The following TCF4 variants were observed in gnomAD, a reference collection of about 807,000 sequenced individuals.
TCF4 encodes the protein SL3-3 enhancer factor 2.
In TCF4, 3 loss-of-function variants were observed where a neutral mutation model predicts 82.1. The ratio of observed to expected loss-of-function variants is 0.04; its 90% CI spans 0.02 to 0.09. TCF4 has a LOEUF of 0.09. Ranked by LOEUF, TCF4 falls within the 10% of genes least tolerant of loss-of-function variation. The pLI is 1.00. For missense variants in TCF4, 518 were observed against 852.7 expected (o/e 0.61, Z 4.89); for synonymous variants, 276 against 309.6 (o/e 0.89, Z 1.14).
intron 6 of TCF4, among the ~76,000 whole-genome samples, chr18:55,387,891 A>G (rs2092730160): frequency 6.6e-6 from 1 of 152,184 alleles, no homozygotes; most frequent in Admixed American, 6.5e-5. Flanking sequence ...AAGACATCAA[A>G]GGAAAACTTC....
At chr18:55,235,807 GTTTATT>G (rs2049187429) in intron 15 of TCF4, among the ~76,000 whole-genome samples, 1 of 131,938 alleles carries the variant, frequency 7.6e-6, no homozygotes. Context: ...TATGAATCAG[GTTTATT>G]TTTTTTTCCA....
At chr18:55,324,648 C>T (rs1026574303) in intron 8 of TCF4, among the ~76,000 whole-genome samples, 3 of 152,120 alleles carry the variant, frequency 2.0e-5, no homozygotes, top group African/African-American at 7.2e-5. Flanking sequence ...ACCTTGCCAG[C>T]AGTAGGTAAC....
In TCF4 at chr18:55,225,813, T is replaced by C. The variant is rs1304736968; in HGVS notation, c.*2222A>G. On this transcript the variant is annotated 3_prime_UTR_variant, in exon 20 of 20. Transcript: ENST00000354452. The stretch of plus-strand genomic sequence containing the variant: ...TCCACCTCCACATTTTAGGAACTTA[T>C]CAACAAATCAAAGTTATTTTAGTTT... 6.6e-6 allele frequency: 1 copy of C among 152,610 alleles called. No homozygotes were observed. The highest frequency in any genetic ancestry group is 2.4e-5 in the African/African-American group (1 of 41,460). 9.5% of individuals were successfully genotyped at this position (152,610 alleles called of 1,614,324 possible). A position where few individuals can be genotyped will look rare whatever the true frequency, so the allele number is the denominator to read the frequency against.
Position 55,585,290 on chromosome 18 carries a change from A to G in TCF4, c.135T>C (p.Phe45=). ...NGPTSLASGH[F]TGSNVEDRSS... Reference sequence around the variant, plus strand: ...AAAGAATTTACATACTTGAGCCAGTAAAATGTCCACTTGCCAAAGAAGTTG... The same window carrying G: ...AAAGAATTTACATACTTGAGCCAGTGAAATGTCCACTTGCCAAAGAAGTTG... Residue 45 remains phenylalanine, a synonymous_variant, in exon 3 of 20, where the codon TTT becomes TTC. Coordinates refer to ENST00000354452, the MANE Select transcript of TCF4 (RefSeq NM_001083962.2). 6.2e-7 allele frequency: 1 copy of G among 1,613,934 alleles called. No homozygotes were observed. Among genetic ancestry groups the G allele is most frequent in the Non-Finnish European group, 8.5e-7 (1 of 1,179,822 alleles).
chr18:55,452,996 A>G (rs1050107054), intron 5 of TCF4, among the ~76,000 whole-genome samples: 15 of 152,184 alleles, frequency 9.9e-5, no homozygotes, highest in African/African-American at 3.6e-4. Context: ...TAAATAGAAA[A>G]TTATATATTT....
intron 8 of TCF4, among the ~76,000 whole-genome samples, chr18:55,336,970 A>C (rs1303867906): frequency 6.6e-6 from 1 of 152,206 alleles, no homozygotes; most frequent in Non-Finnish European, 1.5e-5. Flanking sequence ...AATGCAAAGA[A>C]GCCCTTATGG....
chr18:55,463,994 G>A, intron 4 of TCF4, 82 bp downstream of exon 4: 1 of 1,277,078 alleles, frequency 7.8e-7, no homozygotes, highest in Admixed American at 1.7e-5. Flanking sequence ...GAGAGAGAGA[G>A]AGAGAGAGAA....
intron 3 of TCF4, among the ~76,000 whole-genome samples, chr18:55,569,765 A>C (rs894722568): frequency 2.0e-5 from 3 of 152,202 alleles, no homozygotes; most frequent in African/African-American, 7.2e-5. Flanking sequence ...GAGATATCAG[A>C]CACCTAAAAC....
chr18:55,620,578 G>A (rs763536791), intron 2 of TCF4, among the ~76,000 whole-genome samples: 3 of 152,066 alleles, frequency 2.0e-5, no homozygotes. Flanking sequence ...AACTCAGGTG[G>A]CTTTGGTCTT....
chr18:55,535,979 G>A (rs955251790), intron 3 of TCF4, among the ~76,000 whole-genome samples: 5 of 152,130 alleles, frequency 3.3e-5, no homozygotes, highest in East Asian at 1.9e-4. Context: ...TTTTTTTAAA[G>A]AACAGTGTTT....
At chr18:55,377,463 G>A (rs924491386) in intron 6 of TCF4, among the ~76,000 whole-genome samples, 1 of 152,156 alleles carries the variant, frequency 6.6e-6, no homozygotes, top group Non-Finnish European at 1.5e-5. Flanking sequence ...ATTTTATCCT[G>A]TTATTATCAG....
rs554450220 is a variant in TCF4, at chr18:55,468,509, G to A, written c.146-4372C>T. ...GCACAATGATAAAACTTGTATGGCT[G>A]GCTCAATACGATAGTTCAGCAAGTA... On this transcript the variant is annotated intron_variant, in intron 3 of 19. Coordinates refer to ENST00000354452, the MANE Select transcript of TCF4 (RefSeq NM_001083962.2). Among the ~76,000 whole-genome samples the A allele has an allele frequency of 5.9e-5, 9 of 152,250 alleles. 1 individual carries two copies. In the South Asian group the frequency reaches 1.9e-3, roughly 32 times the overall value.
At chr18:55,564,410 G>A (rs779830340) in intron 3 of TCF4, among the ~76,000 whole-genome samples, 2 of 152,308 alleles carry the variant, frequency 1.3e-5, no homozygotes, top group Non-Finnish European at 2.9e-5. Flanking sequence ...ATTCAACAGG[G>A]AAGAAGTCAA....
chr18:55,613,514 A>G (rs1699953096), intron 2 of TCF4, among the ~76,000 whole-genome samples: 1 of 152,172 alleles, frequency 6.6e-6, no homozygotes, highest in Non-Finnish European at 1.5e-5. Context: ...CTGTTCTCAC[A>G]CTGCTATAAA....
In TCF4 at chr18:55,222,255, G is replaced by A. The variant is rs141560391; in HGVS notation, c.*5780C>T. ...GTTAATAGACACTACACAAGATACT[G>A]TAGGGGTGCACAGGCACATTCCCCC... On this transcript the variant is annotated 3_prime_UTR_variant, in exon 20 of 20. Transcript: ENST00000354452. 1 of 152,224 alleles carries A rather than the reference G, an allele frequency of 6.6e-6. No individual in the cohort carries two copies. The highest frequency in any genetic ancestry group is 1.5e-5 in the Non-Finnish European group (1 of 68,040). 9.4% of individuals were successfully genotyped at this position (152,224 alleles called of 1,614,324 possible).
chr18:55,385,910 G>A (rs2092559753), intron 6 of TCF4, among the ~76,000 whole-genome samples: 1 of 152,190 alleles, frequency 6.6e-6, no homozygotes, highest in African/African-American at 2.4e-5. Flanking sequence ...TGCCAAAGCT[G>A]CAGAATGTCC....
At chr18:55,505,580 G>C (rs914677999) in intron 3 of TCF4, among the ~76,000 whole-genome samples, 1 of 151,704 alleles carries the variant, frequency 6.6e-6, no homozygotes, top group African/African-American at 2.4e-5. Context: ...CGAGGCGGGC[G>C]GATCACGAGG....
At chr18:55,502,760 T>C (rs73479296) in intron 3 of TCF4, among the ~76,000 whole-genome samples, 236 of 152,362 alleles carry the variant, frequency 1.5e-3, no homozygotes, top group African/African-American at 5.6e-3. Flanking sequence ...AAGGAACTTA[T>C]ATTCAAGTTA....
intron 14 of TCF4, among the ~76,000 whole-genome samples, chr18:55,255,049 ATTAAG>A (rs1401372331): frequency 6.6e-6 from 1 of 152,218 alleles, no homozygotes; most frequent in African/African-American, 2.4e-5. Context: ...TCTGGCAGGT[ATTAAG>A]TTAAAGAGTT....
Sources: gnomAD v4.1 joint callset for allele counts (sites outside exome capture counted in the v4.1 genomes callset) on GRCh38, gnomAD v4.1.1 for gene constraint, MANE v1.5 for transcripts, NCBI Gene and HGNC (gene_info 2026-07-23, HGNC 2026-07-21) for gene names.